CADM2: variants seen among roughly 807,000 people sequenced by gnomAD.
CADM2 encodes the protein immunoglobulin superfamily member 4D.
A neutral mutation model predicts 49.8 loss-of-function variants in CADM2; 12 were observed. The observed-to-expected ratio is 0.24, with a 90% CI of 0.15 to 0.39. The LOEUF is 0.39. CADM2 is among the 10% of genes least tolerant of loss of function. The probability of loss-of-function intolerance (pLI) is 1.00; values close to 1 mark genes in which losing one functional copy is unlikely to be tolerated. For missense variants in CADM2, 378 were observed against 492.3 expected (o/e 0.77, Z 2.20); for synonymous variants, 214 against 175.4 (o/e 1.22, Z -1.74).
At chr3:85,411,456 A>T (rs1014709326) in intron 1 of CADM2, among the ~76,000 whole-genome samples, 4 of 152,214 alleles carry the variant, frequency 2.6e-5, no homozygotes, top group Non-Finnish European at 5.9e-5. Flanking sequence ...TTATTAATTA[A>T]TTGATTAAAA....
At chr3:85,904,126 G>C (rs1268683340) in intron 5 of CADM2, among the ~76,000 whole-genome samples, 6 of 152,114 alleles carry the variant, frequency 3.9e-5, no homozygotes, top group Admixed American at 3.9e-4. Flanking sequence ...CCCTTAGAGA[G>C]CTTCAGAAAA....
intron 1 of CADM2, among the ~76,000 whole-genome samples, chr3:85,203,154 C>A (rs2041551005): frequency 1.3e-5 from 2 of 152,146 alleles, no homozygotes; most frequent in African/African-American, 4.8e-5. Flanking sequence ...CTGCAAGAAC[C>A]ATTTCTTTGC....
chr3:85,457,849 CT>C (rs1330732572), intron 1 of CADM2, among the ~76,000 whole-genome samples: 2 of 152,210 alleles, frequency 1.3e-5, no homozygotes, highest in Admixed American at 6.5e-5. Flanking sequence ...ATTTTGGACA[CT>C]TTTTTTAGGT....
chr3:86,056,920 A>C (rs949270910), intron 8 of CADM2, among the ~76,000 whole-genome samples: 8 of 152,164 alleles, frequency 5.3e-5, no homozygotes, highest in Non-Finnish European at 1.0e-4. Flanking sequence ...GGAAAGATTA[A>C]GTTTTGTGTT....
chr3:84,982,890 C>T (rs980293667), intron 1 of CADM2, among the ~76,000 whole-genome samples: 13 of 150,754 alleles, frequency 8.6e-5, no homozygotes, highest in Admixed American at 2.0e-4. Flanking sequence ...GGACTACAGG[C>T]GTCCGCCACC....
intron 3 of CADM2, among the ~76,000 whole-genome samples, chr3:85,852,103 T>C (rs1204118691): frequency 6.6e-6 from 1 of 152,128 alleles, no homozygotes; most frequent in African/African-American, 2.4e-5. Context: ...ATATAATTTT[T>C]CTAATCTGTA....
chr3:85,715,174 C>T (rs2067246736), intron 1 of CADM2, among the ~76,000 whole-genome samples: 2 of 152,144 alleles, frequency 1.3e-5, no homozygotes, highest in Admixed American at 1.3e-4. Context: ...TTACATGTCA[C>T]CTTCTGCCTT....
chr3:85,989,734 TG>T (rs1728525324), intron 8 of CADM2, among the ~76,000 whole-genome samples: 1 of 151,996 alleles, frequency 6.6e-6, no homozygotes, highest in Admixed American at 6.6e-5. Context: ...AACTAGTGGC[TG>T]GGCGCGGTGG....
At chr3:85,185,770 A>T (rs1441576065) in intron 1 of CADM2, among the ~76,000 whole-genome samples, 1 of 152,186 alleles carries the variant, frequency 6.6e-6, no homozygotes, top group Non-Finnish European at 1.5e-5. Context: ...AAGGACCTTT[A>T]AAATAAAAGT....
chr3:85,804,383 A>G (rs562560776), intron 3 of CADM2, among the ~76,000 whole-genome samples: 1 of 152,320 alleles, frequency 6.6e-6, no homozygotes, highest in South Asian at 2.1e-4. Context: ...TAATGAAGCA[A>G]TCTTGCTTAT....
intron 1 of CADM2, among the ~76,000 whole-genome samples, chr3:84,985,799 C>T (rs2032518170): frequency 6.6e-6 from 1 of 152,130 alleles, no homozygotes; most frequent in Non-Finnish European, 1.5e-5. Context: ...ACTGAATGTA[C>T]TTCAGTTAAT....
At position 85,874,569 on chromosome 3, in the gene CADM2, A is replaced by ATAGACCT. The variant is rs546579618; in HGVS notation, c.239-8722_239-8721insTAGACCT. On this transcript the variant is annotated intron_variant, in intron 3 of 9. Transcript: ENST00000383699. Reference sequence around the variant, plus strand: ...AATTTCATATGTCTATGAGGAGACCAATATATTGTAGGTTGTTAAAAAGAA... The same window carrying ATAGACCT: ...AATTTCATATGTCTATGAGGAGACCATAGACCTATATATTGTAGGTTGTTAAAAAGAA... Among the ~76,000 whole-genome samples the ATAGACCT allele has an allele frequency of 9.1e-3, 1,379 of 152,266 alleles. 13 individuals carry two copies. The highest frequency in any genetic ancestry group is 0.044 in the Middle Eastern group (13 of 294).
intron 1 of CADM2, among the ~76,000 whole-genome samples, chr3:85,563,662 A>G (rs1307734160): frequency 2.0e-5 from 3 of 152,254 alleles, no homozygotes; most frequent in South Asian, 2.1e-4. Context: ...CGGAATTCCA[A>G]GATATTTGTT....
chr3:85,253,975 T>C (rs2042831286), intron 1 of CADM2, among the ~76,000 whole-genome samples: 1 of 152,088 alleles, frequency 6.6e-6, no homozygotes, highest in African/African-American at 2.4e-5. Flanking sequence ...TATTATCTAT[T>C]TGAAGATAGT....
chr3:85,781,338 C>A (rs1284998567), intron 2 of CADM2, among the ~76,000 whole-genome samples: 2 of 152,058 alleles, frequency 1.3e-5, no homozygotes, highest in Non-Finnish European at 2.9e-5. Flanking sequence ...ATATATTTGT[C>A]ATTATCTGAT....
intron 1 of CADM2, among the ~76,000 whole-genome samples, chr3:85,308,335 AC>A (rs2044264802): frequency 1.3e-5 from 2 of 151,054 alleles, no homozygotes; most frequent in African/African-American, 4.9e-5. Flanking sequence ...ACACACACAC[AC>A]ACACAACACT....
intron 1 of CADM2, among the ~76,000 whole-genome samples, chr3:85,059,840 GGT>G (rs2036237985): frequency 1.3e-5 from 2 of 152,164 alleles, no homozygotes; most frequent in African/African-American, 4.8e-5. Context: ...CCCAGTCTCA[GGT>G]GTGTCTTTAT....
At chr3:85,329,642 A>T (rs1576359107) in intron 1 of CADM2, among the ~76,000 whole-genome samples, 1 of 152,100 alleles carries the variant, frequency 6.6e-6, no homozygotes, top group Admixed American at 6.6e-5. Flanking sequence ...TTATTATCCT[A>T]AAATTACCAA....
chr3:85,979,362 A>C, intron 8 of CADM2: 1 of 1,470,106 alleles, frequency 6.8e-7, no homozygotes, highest in South Asian at 1.4e-5. Flanking sequence ...GGTTAAAAAC[A>C]TTGAGATTCA....
Sources: gnomAD v4.1 joint callset for allele counts (sites outside exome capture counted in the v4.1 genomes callset) on GRCh38, gnomAD v4.1.1 for gene constraint, MANE v1.5 for transcripts, NCBI Gene and HGNC (gene_info 2026-07-23, HGNC 2026-07-21) for gene names.